XKR6: variants seen among roughly 807,000 people sequenced by gnomAD.
XKR6 encodes XK-related protein 6.
XKR6 carries 22 observed loss-of-function variants against 56.7 expected under a neutral mutation model. That is an observed-to-expected ratio of 0.39 (90% CI 0.28 to 0.55). XKR6 has a LOEUF of 0.55. Among genes scored for constraint, XKR6 ranks in the 20% least tolerant of loss-of-function variants. The probability of loss-of-function intolerance (pLI) is 0.66; values close to 1 mark genes in which losing one functional copy is unlikely to be tolerated. For synonymous variants in XKR6, 524 were observed against 387.8 expected (o/e 1.35, Z -4.13); for missense variants, 852 against 889.0 (o/e 0.96, Z 0.53).
At chr8:11,100,303 C>T (rs1309969075) in intron 1 of XKR6, among the ~76,000 whole-genome samples, 1 of 152,206 alleles carries the variant, frequency 6.6e-6, no homozygotes, top group Non-Finnish European at 1.5e-5. Flanking sequence ...AATCTACCCA[C>T]TTCGACCTCC....
intron 1 of XKR6, among the ~76,000 whole-genome samples, chr8:11,038,075 C>T (rs774282066): frequency 2.0e-5 from 3 of 149,952 alleles, no homozygotes; most frequent in Non-Finnish European, 4.4e-5. Flanking sequence ...CTAAGACAAA[C>T]TATTAACTAC....
Position 10,983,974 on chromosome 8 carries a change from A to C in XKR6, c.765-59144T>G, listed in dbSNP as rs192998522. Among the ~76,000 whole-genome samples, 518 of 152,214 alleles carry C rather than the reference A, an allele frequency of 3.4e-3. 4 individuals carry two copies. The highest frequency in any genetic ancestry group is 0.012 in the African/African-American group (497 of 41,534). ...CCGGCCTTACATATTCTTTTTATAAAACTAGCATCACATTGACATCAAACT... is the reference window on the plus strand; with the variant it reads ...CCGGCCTTACATATTCTTTTTATAACACTAGCATCACATTGACATCAAACT... On this transcript the variant is annotated intron_variant, in intron 1 of 2. Coordinates refer to ENST00000416569, the MANE Select transcript of XKR6 (RefSeq NM_173683.4).
chr8:11,142,372 G>A (rs953807188), intron 1 of XKR6, among the ~76,000 whole-genome samples: 2 of 152,188 alleles, frequency 1.3e-5, no homozygotes, highest in African/African-American at 4.8e-5. Context: ...GGACTCAGGA[G>A]TCAATTTAAG....
At chr8:11,184,422 T>TACAC (rs1803161380) in intron 1 of XKR6, among the ~76,000 whole-genome samples, 1 of 149,294 alleles carries the variant, frequency 6.7e-6, no homozygotes, top group Non-Finnish European at 1.5e-5. Context: ...CACACACACT[T>TACAC]ATATTACATT....
intron 1 of XKR6, among the ~76,000 whole-genome samples, chr8:11,026,966 A>G (rs1033414220): frequency 1.3e-5 from 2 of 152,112 alleles, no homozygotes; most frequent in African/African-American, 4.8e-5. Flanking sequence ...ACACACTTCG[A>G]TGGTGTTGCC....
At chr8:11,110,789 T>G (rs1429754120) in intron 1 of XKR6, among the ~76,000 whole-genome samples, 1 of 152,064 alleles carries the variant, frequency 6.6e-6, no homozygotes, top group Non-Finnish European at 1.5e-5. Context: ...ATTCTGAAAG[T>G]AGCCCACAGT....
chr8:11,184,494 G>A (rs1348586366), intron 1 of XKR6, among the ~76,000 whole-genome samples: 1 of 151,622 alleles, frequency 6.6e-6, no homozygotes, highest in Non-Finnish European at 1.5e-5. Context: ...TTAACACTTG[G>A]AACTAACTGA....
At chr8:11,022,904 G>A (rs1165867518) in intron 1 of XKR6, among the ~76,000 whole-genome samples, 1 of 152,122 alleles carries the variant, frequency 6.6e-6, no homozygotes. Context: ...CCCAGGGCAG[G>A]AGGCCCGGGG....
At chr8:11,033,288 G>A (rs1259943025) in intron 1 of XKR6, among the ~76,000 whole-genome samples, 1 of 150,404 alleles carries the variant, frequency 6.6e-6, no homozygotes, top group Non-Finnish European at 1.5e-5. Flanking sequence ...TGACGATAGT[G>A]ATGGTGATGG....
intron 1 of XKR6, among the ~76,000 whole-genome samples, chr8:11,100,938 C>T (rs1001325812): frequency 1.3e-5 from 2 of 152,152 alleles, no homozygotes; most frequent in Non-Finnish European, 2.9e-5. Context: ...CAGGTGGTGC[C>T]GGAGGAAGTG....
At chr8:11,039,312 G>A (rs912690736) in intron 1 of XKR6, among the ~76,000 whole-genome samples, 2 of 152,218 alleles carry the variant, frequency 1.3e-5, no homozygotes, top group Admixed American at 6.5e-5. Flanking sequence ...CCAGAGGGGG[G>A]ATTGAGGCCC....
intron 1 of XKR6, among the ~76,000 whole-genome samples, chr8:11,112,525 A>C (rs547425885): frequency 1.5e-3 from 233 of 152,362 alleles, no homozygotes; most frequent in African/African-American, 5.4e-3. Flanking sequence ...TGTATGAATA[A>C]AACATTTACT....
At chr8:11,036,273 G>C (rs1012573580) in intron 1 of XKR6, among the ~76,000 whole-genome samples, 1 of 152,174 alleles carries the variant, frequency 6.6e-6, no homozygotes, top group Non-Finnish European at 1.5e-5. Flanking sequence ...ACCAGGCAGA[G>C]AGAGAAGCAC....
chr8:10,974,432 G>A (rs1802494196), intron 1 of XKR6, among the ~76,000 whole-genome samples: 1 of 152,188 alleles, frequency 6.6e-6, no homozygotes, highest in Non-Finnish European at 1.5e-5. Context: ...CCGCTCAGAG[G>A]GAGGCAGATG....
At chr8:10,926,496 C>A (rs1188083668) in intron 1 of XKR6, among the ~76,000 whole-genome samples, 1 of 152,188 alleles carries the variant, frequency 6.6e-6, no homozygotes, top group Non-Finnish European at 1.5e-5. Context: ...CTCTCCAGAC[C>A]CACCCCCTGT....
intron 1 of XKR6, among the ~76,000 whole-genome samples, chr8:11,079,801 C>T (rs556421580): frequency 2.6e-5 from 4 of 152,060 alleles, no homozygotes; most frequent in African/African-American, 9.6e-5. Flanking sequence ...GTCATCTCTA[C>T]AAAAAAGTTT....
intron 1 of XKR6, among the ~76,000 whole-genome samples, chr8:10,981,115 C>T (rs1242290751): frequency 6.6e-6 from 1 of 152,172 alleles, no homozygotes; most frequent in East Asian, 1.9e-4. Context: ...TTCTACTCTC[C>T]CACTGTCAAC....
intron 1 of XKR6, among the ~76,000 whole-genome samples, chr8:11,144,324 G>T (rs1050880409): frequency 6.7e-6 from 1 of 149,774 alleles, no homozygotes; most frequent in East Asian, 2.0e-4. Context: ...GGAAGAAGCG[G>T]GTATAACCCC....
chr8:11,090,809 TATCTGCCTACC>T (rs1798041917), intron 1 of XKR6, among the ~76,000 whole-genome samples: 1 of 152,202 alleles, frequency 6.6e-6, no homozygotes. Context: ...GTCCTGCAAA[TATCTGCCTACC>T]ATCTGGGGCT....
Sources: allele counts gnomAD v4.1 joint callset (sites outside exome capture counted in the v4.1 genomes callset), GRCh38; gene constraint gnomAD v4.1.1; transcripts MANE v1.5; gene names NCBI Gene and HGNC (gene_info 2026-07-23, HGNC 2026-07-21).